GRIK1: variants seen among roughly 807,000 people sequenced by gnomAD.
GRIK1 encodes the protein glutamate ionotropic receptor kainate type subunit 1, also known as glutamate receptor ionotropic, kainate 1.
GRIK1 carries 69 observed loss-of-function variants against 105.7 expected under a neutral mutation model. The observed-to-expected ratio is 0.65, with a 90% CI of 0.54 to 0.80. GRIK1 has a LOEUF of 0.80. GRIK1 is among the 30% of genes least tolerant of loss of function. GRIK1 has a pLI of 0.00. For missense variants in GRIK1, 1,109 were observed against 1,167.3 expected (o/e 0.95, Z 0.73); for synonymous variants, 438 against 431.3 (o/e 1.02, Z -0.19).
intron 1 of GRIK1, among the ~76,000 whole-genome samples, chr21:29,926,666 T>C (rs536768749): frequency 6.6e-6 from 1 of 151,890 alleles, no homozygotes; most frequent in African/African-American, 2.4e-5. Context: ...ATTATATATA[T>C]ATACACATAT....
chr21:29,838,590 A>C (rs1041074274), intron 1 of GRIK1, among the ~76,000 whole-genome samples: 5 of 152,220 alleles, frequency 3.3e-5, no homozygotes, highest in African/African-American at 1.2e-4. Context: ...AAGACTTCAG[A>C]AACAGCAGAA....
chr21:29,713,349 A>G (rs1346156380), intron 1 of GRIK1, among the ~76,000 whole-genome samples: 5 of 152,178 alleles, frequency 3.3e-5, no homozygotes. Context: ...TTTGTTAAAT[A>G]CAACCATAGT....
At chr21:29,589,846 C>T (rs1173372618) in intron 10 of GRIK1, among the ~76,000 whole-genome samples, 1 of 152,168 alleles carries the variant, frequency 6.6e-6, no homozygotes, top group East Asian at 1.9e-4. Flanking sequence ...CTGAATTTCA[C>T]TATTCACTTA....
intron 16 of GRIK1, among the ~76,000 whole-genome samples, chr21:29,538,958 G>A (rs1357140359): frequency 6.6e-6 from 1 of 152,096 alleles, no homozygotes; most frequent in African/African-American, 2.4e-5. Context: ...CCTATCAGAT[G>A]TATGTCTCTT....
intron 1 of GRIK1, among the ~76,000 whole-genome samples, chr21:29,755,081 G>A (rs542417869): frequency 6.6e-6 from 1 of 152,186 alleles, no homozygotes; most frequent in Non-Finnish European, 1.5e-5. Flanking sequence ...CCAAATTTGA[G>A]GGTTCATATT....
intron 1 of GRIK1, among the ~76,000 whole-genome samples, chr21:29,886,311 A>T (rs2069626329): frequency 6.6e-6 from 1 of 151,580 alleles, no homozygotes. Context: ...CACTCCTTTC[A>T]CCTCTTTTTC....
At chr21:29,762,656 C>T (rs1368266467) in intron 1 of GRIK1, among the ~76,000 whole-genome samples, 1 of 150,426 alleles carries the variant, frequency 6.6e-6, no homozygotes, top group Non-Finnish European at 1.5e-5. Context: ...TTGGCAACTT[C>T]TGTCTGTGCA....
chr21:29,898,929 G>A (rs1236908260), intron 1 of GRIK1, among the ~76,000 whole-genome samples: 1 of 151,504 alleles, frequency 6.6e-6, no homozygotes, highest in South Asian at 2.1e-4. Flanking sequence ...CCGAGATCAC[G>A]TCATTGCACT....
At chr21:29,643,389 T>C (rs2062554825) in intron 6 of GRIK1, among the ~76,000 whole-genome samples, 1 of 152,162 alleles carries the variant, frequency 6.6e-6, no homozygotes, top group African/African-American at 2.4e-5. Flanking sequence ...TACTTACTGG[T>C]TTATATTTGG....
chr21:29,784,972 C>G (rs1042165064), intron 1 of GRIK1, among the ~76,000 whole-genome samples: 5 of 152,138 alleles, frequency 3.3e-5, no homozygotes, highest in African/African-American at 7.2e-5. Context: ...AAATCCTACT[C>G]AGGAAAAATC....
At chr21:29,794,347 T>A (rs415336) in intron 1 of GRIK1, among the ~76,000 whole-genome samples, 23,312 of 152,216 alleles carry the variant, frequency 0.15, 1,764 homozygotes, top group Non-Finnish European at 0.16. Flanking sequence ...ACTGACTCAG[T>A]AGCACATCTC....
At chr21:29,550,976 T>C (rs2090124380) in intron 16 of GRIK1, among the ~76,000 whole-genome samples, 1 of 152,236 alleles carries the variant, frequency 6.6e-6, no homozygotes, top group Admixed American at 6.5e-5. Context: ...AATTATTTAT[T>C]GAGTGGCTAC....
chr21:29,773,377 T>G (rs2065862151), intron 1 of GRIK1, among the ~76,000 whole-genome samples: 1 of 152,218 alleles, frequency 6.6e-6, no homozygotes. Context: ...GTGACAGGGT[T>G]GGCTTCCCTT....
intron 7 of GRIK1, among the ~76,000 whole-genome samples, chr21:29,599,363 G>A (rs2061476067): frequency 3.3e-5 from 5 of 152,180 alleles, no homozygotes; most frequent in Admixed American, 2.6e-4. Context: ...GTCCAATGAT[G>A]TATTGCAGTT....
At chr21:29,735,846 CAAAAA>C (rs34778018) in intron 1 of GRIK1, among the ~76,000 whole-genome samples, 2 of 101,260 alleles carry the variant, frequency 2.0e-5, no homozygotes, top group Non-Finnish European at 4.5e-5. Flanking sequence ...GACTCCGTCT[CAAAAA>C]AAAAAAAAAA....
chr21:29,721,819 T>C (rs116255449), intron 1 of GRIK1, among the ~76,000 whole-genome samples: 1,541 of 152,192 alleles, frequency 0.01, 26 homozygotes, highest in African/African-American at 0.036. Context: ...GCCCCTTCCA[T>C]CTACCCTTCA....
intron 9 of GRIK1, among the ~76,000 whole-genome samples, chr21:29,592,037 C>T (rs368485829): frequency 1.3e-5 from 2 of 151,864 alleles, no homozygotes; most frequent in South Asian, 2.1e-4. Flanking sequence ...GGTGACAGAG[C>T]GAGACACTGA....
chr21:29,770,290 T>C (rs540434298), intron 1 of GRIK1, among the ~76,000 whole-genome samples: 1 of 152,230 alleles, frequency 6.6e-6, no homozygotes, highest in Non-Finnish European at 1.5e-5. Flanking sequence ...AGGCCCTATA[T>C]GTTAGTAAAT....
At chr21:29,545,771 G>T (rs554843649) in intron 16 of GRIK1, among the ~76,000 whole-genome samples, 1 of 152,180 alleles carries the variant, frequency 6.6e-6, no homozygotes, top group South Asian at 2.1e-4. Context: ...TATGGTAGTG[G>T]GAATGCATTT....
Sources: gnomAD v4.1 joint callset for allele counts (sites outside exome capture counted in the v4.1 genomes callset) on GRCh38, gnomAD v4.1.1 for gene constraint, MANE v1.5 for transcripts, NCBI Gene and HGNC (gene_info 2026-07-23, HGNC 2026-07-21) for gene names.